Variants in SEMA5A observed in about 807,000 individuals in gnomAD.
SEMA5A encodes semaphorin 5A.
Under a neutral mutation model 135.5 loss-of-function variants are expected in SEMA5A, and 55 were observed. The observed-to-expected ratio is 0.41, with a 90% confidence interval of 0.33 to 0.51. The LOEUF (loss-of-function observed/expected upper bound fraction) is 0.51. Ranked by LOEUF, SEMA5A falls within the 20% of genes least tolerant of loss-of-function variation. The pLI is 0.37. For synonymous variants in SEMA5A, 580 were observed against 546.5 expected, an observed-to-expected ratio of 1.06 and a Z score of -0.85; for missense variants, 1,290 against 1,419.9, an observed-to-expected ratio of 0.91 and a Z score of 1.47.
chr5:9,247,008 C>T (rs113252810), intron 5 of SEMA5A, among the ~76,000 whole-genome samples: 2 of 152,004 alleles, frequency 1.3e-5, no homozygotes, highest in African/African-American at 2.4e-5. Flanking sequence ...TTAAAGGGTT[C>T]AAAAGGGACT....
intron 1 of SEMA5A, among the ~76,000 whole-genome samples, chr5:9,508,131 T>A (rs1271914902): frequency 6.6e-6 from 1 of 152,216 alleles, no homozygotes; most frequent in Non-Finnish European, 1.5e-5. Context: ...AGGTTGAGTC[T>A]GAAGATACAA....
intron 1 of SEMA5A, among the ~76,000 whole-genome samples, chr5:9,543,792 T>C (rs1738223388): frequency 6.6e-6 from 1 of 151,776 alleles, no homozygotes; most frequent in South Asian, 2.1e-4. Context: ...AACATCTGTG[T>C]TTCAAGTGAA....
chr5:9,500,086 G>A (rs1735507911), intron 1 of SEMA5A, among the ~76,000 whole-genome samples: 1 of 152,166 alleles, frequency 6.6e-6, no homozygotes, highest in African/African-American at 2.4e-5. Flanking sequence ...CGCAACATAT[G>A]CAATTAAGAA....
chr5:9,488,512 G>A (rs1398970825), intron 1 of SEMA5A, among the ~76,000 whole-genome samples: 15 of 152,280 alleles, frequency 9.9e-5, no homozygotes, highest in South Asian at 2.1e-4. Context: ...CTGAAAGCAT[G>A]TTATTCATTA....
chr5:9,121,919 G>T (rs1156932895), intron 14 of SEMA5A, among the ~76,000 whole-genome samples: 3 of 152,114 alleles, frequency 2.0e-5, no homozygotes, highest in African/African-American at 7.2e-5. Context: ...AATTGTCCCA[G>T]AGACTTTTTT....
At chr5:9,456,480 G>GA (rs3836918) in intron 1 of SEMA5A, among the ~76,000 whole-genome samples, 92,380 of 151,766 alleles carry the variant, frequency 0.61, 28,376 homozygotes, top group African/African-American at 0.67. Context: ...AGGACAAGTA[G>GA]AAAAAAAGGA....
intron 7 of SEMA5A, 135 bp downstream of exon 7, chr5:9,226,731 ATTC>A: frequency 1.9e-6 from 1 of 520,642 alleles, no homozygotes. Flanking sequence ...TCAAATATTT[ATTC>A]AATTTGACAA....
intron 1 of SEMA5A, among the ~76,000 whole-genome samples, chr5:9,461,769 G>C (rs1352703036): frequency 6.6e-6 from 1 of 152,202 alleles, no homozygotes; most frequent in Non-Finnish European, 1.5e-5. Flanking sequence ...AACTAAGTAA[G>C]AGACAGGCAA....
At chr5:9,347,809 A>G (rs1753943739) in intron 3 of SEMA5A, among the ~76,000 whole-genome samples, 1 of 152,178 alleles carries the variant, frequency 6.6e-6, no homozygotes, top group Admixed American at 6.5e-5. Flanking sequence ...GATCGTCGTC[A>G]CAAGATAATA....
At chr5:9,207,714 A>T (rs1044560796) in intron 8 of SEMA5A, among the ~76,000 whole-genome samples, 1 of 152,202 alleles carries the variant, frequency 6.6e-6, no homozygotes, top group Non-Finnish European at 1.5e-5. Context: ...AGAAGCTTCC[A>T]GGGCAAATCT....
At chr5:9,249,263 G>T (rs1748647324) in intron 5 of SEMA5A, among the ~76,000 whole-genome samples, 1 of 152,268 alleles carries the variant, frequency 6.6e-6, no homozygotes, top group African/African-American at 2.4e-5. Context: ...ATTTGTAAGG[G>T]TGTCTCCCCT....
chr5:9,529,325 C>T (rs1737317077), intron 1 of SEMA5A, among the ~76,000 whole-genome samples: 2 of 152,200 alleles, frequency 1.3e-5, no homozygotes, highest in African/African-American at 4.8e-5. Flanking sequence ...CCAGGCTTCT[C>T]GGCACCTTTC....
At chr5:9,362,153 T>C (rs1053919788) in intron 3 of SEMA5A, among the ~76,000 whole-genome samples, 4 of 152,144 alleles carry the variant, frequency 2.6e-5, no homozygotes, top group African/African-American at 4.8e-5. Context: ...CAGCTCACTG[T>C]AGCTTCCGGA....
At chr5:9,172,187 A>C (rs2150309648) in intron 11 of SEMA5A, among the ~76,000 whole-genome samples, 1 of 152,316 alleles carries the variant, frequency 6.6e-6, no homozygotes, top group Non-Finnish European at 1.5e-5. Flanking sequence ...GCCCCAGACA[A>C]CTGGCTATTA....
chr5:9,153,942 A>G lies in SEMA5A; in HGVS notation c.1481+546T>C, dbSNP rs187849312. Reference sequence around the variant, plus strand: ...ACATCTGTATTCCCAGCTACTTGGGAGGCTGAGGCACGAGAATCACTTGAA... The same window carrying G: ...ACATCTGTATTCCCAGCTACTTGGGGGGCTGAGGCACGAGAATCACTTGAA... On this transcript the variant is annotated intron_variant, in intron 12 of 22. Coordinates refer to ENST00000382496, the MANE Select transcript of SEMA5A (RefSeq NM_003966.3). 3.5e-3 allele frequency among the ~76,000 whole-genome samples: 526 copies of G among 149,554 alleles called. 2 individuals are homozygous for G. Among genetic ancestry groups the G allele is most frequent in the African/African-American group, 0.012 (507 of 40,600 alleles).
intron 5 of SEMA5A, among the ~76,000 whole-genome samples, chr5:9,246,868 C>A (rs1303877347): frequency 6.6e-6 from 1 of 152,156 alleles, no homozygotes; most frequent in East Asian, 1.9e-4. Flanking sequence ...CCAAATCTTT[C>A]TTTCACACGC....
At chr5:9,386,661 A>C (rs1044742646) in intron 2 of SEMA5A, among the ~76,000 whole-genome samples, 1 of 152,206 alleles carries the variant, frequency 6.6e-6, no homozygotes. Context: ...CAGATGGGAC[A>C]TTAGAGTGCC....
chr5:9,494,851 T>G (rs1735220361), intron 1 of SEMA5A, among the ~76,000 whole-genome samples: 1 of 152,216 alleles, frequency 6.6e-6, no homozygotes, highest in Admixed American at 6.5e-5. Context: ...CATATATCAG[T>G]GGCATCAAAT....
intron 3 of SEMA5A, among the ~76,000 whole-genome samples, chr5:9,339,497 C>T (rs537288398): frequency 5.3e-5 from 8 of 152,008 alleles, no homozygotes; most frequent in Non-Finnish European, 7.4e-5. Context: ...CCCTGCAGTG[C>T]ATGCAGCATA....
Sources: allele counts gnomAD v4.1 joint callset (sites outside exome capture counted in the v4.1 genomes callset), GRCh38; gene constraint gnomAD v4.1.1; transcripts MANE v1.5; gene names NCBI Gene and HGNC (gene_info 2026-07-23, HGNC 2026-07-21).